SEC16A: variants seen among roughly 807,000 people sequenced by gnomAD.
SEC16A encodes protein transport protein Sec16A.
Under a neutral mutation model 221.9 loss-of-function variants are expected in SEC16A, and 110 were observed. The ratio of observed to expected loss-of-function variants is 0.50; its 90% CI spans 0.42 to 0.58. The LOEUF is 0.58. Ranked by LOEUF, SEC16A falls within the 20% of genes least tolerant of loss-of-function variation. SEC16A has a pLI of 0.00. For missense variants in SEC16A, 3,165 were observed against 3,097.8 expected (o/e 1.02, Z -0.52); for synonymous variants, 1,393 against 1,257.7 (o/e 1.11, Z -2.28).
chr9:136,447,987 C>CA lies in SEC16A; in HGVS notation c.6391-79dup. On this transcript the variant is annotated intron_variant, in intron 24 of 31. Transcript: ENST00000684901. The surrounding 1 kb of genome is among the most constrained non-coding windows in gnomAD (Gnocchi z 5.5). ...TAGCATCTGATTAATGATGACACTTCAAAACTTCAGGAAACACCTACTCAG... is the reference window on the plus strand; with the variant it reads ...TAGCATCTGATTAATGATGACACTTCAAAAACTTCAGGAAACACCTACTCAG... 1 of 1,526,762 alleles carries CA rather than the reference C, an allele frequency of 6.5e-7. No individual in the cohort carries two copies. The highest frequency in any genetic ancestry group is 9.0e-7 in the Non-Finnish European group (1 of 1,116,736). The allele number at this position is 1,526,762 out of a possible 1,614,324, so 94.6% of individuals were successfully genotyped here. A position where few individuals can be genotyped will look rare whatever the true frequency, so the allele number is the denominator to read the frequency against.
In SEC16A at chr9:136,447,551, C is replaced by T; in HGVS notation, c.6559+18G>A. The T allele has an allele frequency of 6.2e-7, 1 of 1,600,764 alleles. No homozygotes were observed. Among genetic ancestry groups the T allele is most frequent in the Non-Finnish European group, 8.6e-7 (1 of 1,168,058 alleles). ...AGTTAATCGTTCAAGCAAGCTCCCA[C>T]TCCAAGGCCACCCTTACCTGCTCTT... On this transcript the variant is annotated intron_variant, in intron 26 of 31. Transcript: ENST00000684901. The surrounding 1 kb of genome is among the most constrained non-coding windows in gnomAD (Gnocchi z 5.5).
intron 1 of SEC16A, among the ~76,000 whole-genome samples, chr9:136,481,651 A>G (rs1413077211): frequency 6.6e-6 from 1 of 152,184 alleles, no homozygotes; most frequent in Non-Finnish European, 1.5e-5. Flanking sequence ...TCTTGCTGCC[A>G]CTGGCTTCAT....
chr9:136,465,830 G>T, intron 8 of SEC16A, 132 bp downstream of exon 8: 1 of 930,304 alleles, frequency 1.1e-6, no homozygotes, highest in Non-Finnish European at 1.6e-6. Flanking sequence ...TTCTCGGAAG[G>T]ACGGATTGGG....
At chr9:136,465,055 G>A (rs755881661) in intron 8 of SEC16A, among the ~76,000 whole-genome samples, 13 of 152,176 alleles carry the variant, frequency 8.5e-5, no homozygotes, top group Non-Finnish European at 1.6e-4. Context: ...GAACCCAGGA[G>A]ACAGAGACCA....
At position 136,466,130 on chromosome 9, in the gene SEC16A, T is replaced by C; in HGVS notation, c.4135A>G (p.Ile1379Val). 6.3e-7 allele frequency: 1 copy of C among 1,593,300 alleles called. No individual in the cohort carries two copies. The highest frequency in any genetic ancestry group is 8.6e-7 in the Non-Finnish European group (1 of 1,168,300). ...SLSSHSHQSQ[I>V]YRSHNVAAGS... ...GCAGCCACATTGTGGCTTCTGTAAATCTGACTCTTAGAAAACAAAGCAAAC... is the reference window on the plus strand; with the variant it reads ...GCAGCCACATTGTGGCTTCTGTAAACCTGACTCTTAGAAAACAAAGCAAAC... Residue 1379 changes from isoleucine (I) to valine (V), a missense_variant, in exon 8 of 32, where the codon ATT becomes GTT. By Grantham distance (29) the Ile-to-Val change is conservative. Transcript: ENST00000684901. The surrounding 1 kb of genome is among the most constrained non-coding windows in gnomAD (Gnocchi z 5.5).
chr9:136,460,819 G>GT (rs1452633086), intron 13 of SEC16A, among the ~76,000 whole-genome samples: 1 of 151,782 alleles, frequency 6.6e-6, no homozygotes, highest in Non-Finnish European at 1.5e-5. Context: ...AGGCCAAGGC[G>GT]TGAGGATCAC....
At chr9:136,467,111 C>T (rs1480245278) in intron 5 of SEC16A, 28 bp from the exon 6 acceptor site, 4 of 1,612,598 alleles carry the variant, frequency 2.5e-6, no homozygotes, top group Non-Finnish European at 3.4e-6. Context: ...ATGATTAATA[C>T]AGTAACATGC....
intron 3 of SEC16A, among the ~76,000 whole-genome samples, chr9:136,473,618 G>A (rs1363264036): frequency 6.6e-6 from 1 of 152,212 alleles, no homozygotes; most frequent in African/African-American, 2.4e-5. Context: ...TTCTCCAGGG[G>A]CATTTAAAGG....
intron 31 of SEC16A, among the ~76,000 whole-genome samples, 161 bp from the exon 32 acceptor site, chr9:136,441,984 G>A (rs2131667646): frequency 6.6e-6 from 1 of 152,356 alleles, no homozygotes; most frequent in East Asian, 1.9e-4. Context: ...TCTGGAAACC[G>A]ACAAGTCAGT....
At chr9:136,449,119 CTT>C (rs1041162096) in intron 23 of SEC16A, among the ~76,000 whole-genome samples, 77 of 152,360 alleles carry the variant, frequency 5.1e-4, no homozygotes, top group African/African-American at 1.8e-3. Context: ...ACGTCCTCCC[CTT>C]TGAGAAGTGG....
At chr9:136,456,905 C>T (rs191193045) in intron 18 of SEC16A, among the ~76,000 whole-genome samples, 2 of 152,362 alleles carry the variant, frequency 1.3e-5, no homozygotes, top group East Asian at 1.9e-4. Flanking sequence ...TGGTGGCTCA[C>T]GCCTGTAATC....
In SEC16A at chr9:136,462,999, T is replaced by G; in HGVS notation, c.4781A>C (p.Glu1594Ala). The G allele has an allele frequency of 6.2e-7, 1 of 1,610,990 alleles. No homozygotes were observed. Among genetic ancestry groups the G allele is most frequent in the Non-Finnish European group, 8.5e-7 (1 of 1,179,858 alleles). Residue 1594 changes from glutamate to alanine, a missense_variant, in exon 12 of 32, where the codon GAG becomes GCG. Physicochemically the swap from Glu to Ala is moderately radical, Grantham distance 107 (BLOSUM62 -1). Around this residue, in one of 3 missense-constraint regions of SEC16A, gnomAD observed 1,088 missense variants for 1,089.6 expected, o/e 1.00. Transcript: ENST00000684901. ...GAAAGAGAGCTGGGCCTCACCAGACTCCTCCTCTTCCACCTGCTCCACTGC... is the reference window on the plus strand; with the variant it reads ...GAAAGAGAGCTGGGCCTCACCAGACGCCTCCTCTTCCACCTGCTCCACTGC... ...NEAVEQVEEEESGEAQLSFLT... is the reference protein window; with the variant it reads ...NEAVEQVEEEASGEAQLSFLT...
At chr9:136,462,737 T>C (rs1251028510) in intron 12 of SEC16A, 150 bp downstream of exon 12, 1 of 830,860 alleles carries the variant, frequency 1.2e-6, no homozygotes. Context: ...AGTCAGGCAT[T>C]GTTCAGGAAA....
At chr9:136,468,002 C>A (rs978773188) in intron 5 of SEC16A, among the ~76,000 whole-genome samples, 17 of 152,344 alleles carry the variant, frequency 1.1e-4, no homozygotes, top group Admixed American at 8.5e-4. Context: ...CAGCAGCTGC[C>A]AGCCTCCTGT....
chr9:136,443,796 T>G (rs1259969450), intron 31 of SEC16A, 27 bp downstream of exon 31: 1 of 1,595,622 alleles, frequency 6.3e-7, no homozygotes, highest in Non-Finnish European at 8.6e-7. Flanking sequence ...TGTTAGGGTC[T>G]CGTAGGGAAA....
At chr9:136,483,325 C>G (rs1293467289), upstream of SEC16A, among the ~76,000 whole-genome samples, 2 of 140,548 alleles carry the variant, frequency 1.4e-5, no homozygotes, top group African/African-American at 5.2e-5. Flanking sequence ...GTAGTTCCCG[C>G]TCCCCTTGGC....
At chr9:136,483,822 G>C (rs1842712423), upstream of SEC16A, 4 of 984,564 alleles carry the variant, frequency 4.1e-6, no homozygotes, top group Non-Finnish European at 4.8e-6. Context: ...CGCCGGGAGC[G>C]GCCGGAGCTG....
chr9:136,444,102 C>T (rs937265181), intron 30 of SEC16A: 7 of 485,686 alleles, frequency 1.4e-5, no homozygotes, highest in Non-Finnish European at 2.6e-5. Context: ...AAGCAACGTG[C>T]AGAGCCAATG....
At chr9:136,483,217 T>C (rs1353157597), upstream of SEC16A, among the ~76,000 whole-genome samples, 7 of 55,662 alleles carry the variant, frequency 1.3e-4, no homozygotes, top group African/African-American at 2.9e-4. Flanking sequence ...GCCTCATCCC[T>C]CTGTCCCGCC....
Sources: allele counts gnomAD v4.1 joint callset (sites outside exome capture counted in the v4.1 genomes callset), GRCh38; gene constraint gnomAD v4.1.1; regional missense constraint gnomAD v4.1.1; non-coding constraint Gnocchi (gnomAD v3.1); transcripts MANE v1.5; gene names NCBI Gene and HGNC (gene_info 2026-07-23, HGNC 2026-07-21).